The following PTCHD4 variants were observed in gnomAD, a reference collection of about 807,000 sequenced individuals.
PTCHD4 encodes the protein patched domain containing 4.
Under a neutral mutation model 58.1 loss-of-function variants are expected in PTCHD4, and 33 were observed. The observed-to-expected ratio is 0.57, with a 90% confidence interval of 0.43 to 0.76. PTCHD4 has a LOEUF of 0.76. PTCHD4 is among the 30% of genes least tolerant of loss of function. The probability of loss-of-function intolerance (pLI) is 0.00; values close to 1 mark genes in which losing one functional copy is unlikely to be tolerated. For missense variants in PTCHD4, 1,058 were observed against 1,027.1 expected (o/e 1.03, Z -0.41); for synonymous variants, 478 against 409.6 (o/e 1.17, Z -2.02).
chr6:47,969,964 G>A lies in PTCHD4; in HGVS notation c.898+38670C>T, dbSNP rs140348283. On this transcript the variant is annotated intron_variant, in intron 4 of 4. Transcript: ENST00000339488. ...AAAGTAAATAAAGGGGCCAAAAAAG[G>A]TGACCCATAACTCTTTTCAAAACCT... Among the ~76,000 whole-genome samples, 6 of 152,200 alleles carry A rather than the reference G, an allele frequency of 3.9e-5. No homozygotes were observed. The East Asian group carries it at 1.2e-3, about 29-fold the overall frequency.
At chr6:48,055,480 C>T (rs964087749) in intron 3 of PTCHD4, among the ~76,000 whole-genome samples, 12 of 151,876 alleles carry the variant, frequency 7.9e-5, no homozygotes, top group African/African-American at 2.7e-4. Flanking sequence ...GAAGTTAACT[C>T]TAAAAATATA....
At position 47,865,463 on chromosome 6, in the gene PTCHD4, A is replaced by C. The variant is rs990413251; in HGVS notation, c.*12840T>G. On this transcript the variant is annotated 3_prime_UTR_variant, in exon 5 of 5. Transcript: ENST00000339488. ...CAGGAATGTGAAGATTAAACTATACATTAGAGTATTGTAGTAAATAGATCA... is the reference window on the plus strand; with the variant it reads ...CAGGAATGTGAAGATTAAACTATACCTTAGAGTATTGTAGTAAATAGATCA... Among the ~76,000 whole-genome samples, 1 of 151,904 alleles carries C rather than the reference A, an allele frequency of 6.6e-6. No homozygotes were observed. The highest frequency in any genetic ancestry group is 2.4e-5 in the African/African-American group (1 of 41,400).
chr6:47,954,264 C>A (rs888762451), intron 4 of PTCHD4, among the ~76,000 whole-genome samples: 1 of 152,052 alleles, frequency 6.6e-6, no homozygotes, highest in African/African-American at 2.4e-5. Flanking sequence ...GGCTGAGGCA[C>A]AAGAATCACT....
chr6:47,966,120 A>G (rs567372884), intron 4 of PTCHD4, among the ~76,000 whole-genome samples: 1 of 152,272 alleles, frequency 6.6e-6, no homozygotes, highest in South Asian at 2.1e-4. Context: ...AGTAGTGAGA[A>G]ATGTTTGGCT....
chr6:47,902,674 C>G (rs546729680), intron 4 of PTCHD4, among the ~76,000 whole-genome samples: 32 of 152,242 alleles, frequency 2.1e-4, no homozygotes, highest in Admixed American at 3.9e-4. Flanking sequence ...TTACTGTGGC[C>G]TCCTTTTAAT....
At chr6:48,058,980 T>C (rs1764516263) in intron 3 of PTCHD4, among the ~76,000 whole-genome samples, 1 of 152,212 alleles carries the variant, frequency 6.6e-6, no homozygotes, top group Non-Finnish European at 1.5e-5. Flanking sequence ...TAATCATGAA[T>C]TCAAAAGAAG....
At chr6:48,102,413 C>G (rs539060474) in intron 1 of PTCHD4, among the ~76,000 whole-genome samples, 1 of 152,338 alleles carries the variant, frequency 6.6e-6, no homozygotes, top group African/African-American at 2.4e-5. Context: ...TCAGCCAAAA[C>G]GTCCATTTTA....
chr6:47,930,596 A>G (rs187998650), intron 4 of PTCHD4, among the ~76,000 whole-genome samples: 8 of 152,288 alleles, frequency 5.3e-5, no homozygotes, highest in South Asian at 4.1e-4. Context: ...GTTCATAAGA[A>G]CTATGTATGC....
At chr6:48,043,947 G>T (rs1233734230) in intron 3 of PTCHD4, among the ~76,000 whole-genome samples, 1 of 151,784 alleles carries the variant, frequency 6.6e-6, no homozygotes, top group South Asian at 2.1e-4. Flanking sequence ...CAGTATATGA[G>T]AATTAGAACG....
intron 3 of PTCHD4, among the ~76,000 whole-genome samples, chr6:48,062,211 A>C (rs1482122577): frequency 6.6e-6 from 1 of 152,208 alleles, no homozygotes; most frequent in African/African-American, 2.4e-5. Flanking sequence ...TAAGAAAATA[A>C]AAACGGTTAG....
chr6:48,018,207 C>T (rs904364825), intron 3 of PTCHD4, among the ~76,000 whole-genome samples: 1 of 152,170 alleles, frequency 6.6e-6, no homozygotes, highest in Non-Finnish European at 1.5e-5. Flanking sequence ...GTTTCAAGTT[C>T]CATTTCTGCT....
intron 4 of PTCHD4, among the ~76,000 whole-genome samples, chr6:47,904,241 T>C (rs959299690): frequency 2.0e-5 from 3 of 152,194 alleles, no homozygotes; most frequent in African/African-American, 7.2e-5. Context: ...ATAAAAGTGA[T>C]GAAGGGTCAG....
intron 4 of PTCHD4, among the ~76,000 whole-genome samples, chr6:47,881,489 C>T (rs115803594): frequency 0.014 from 2,062 of 152,258 alleles, 22 homozygotes; most frequent in South Asian, 0.026. Flanking sequence ...AATGAAGCCA[C>T]TGGGATGAGA....
At chr6:47,895,555 C>G (rs1044384148) in intron 4 of PTCHD4, among the ~76,000 whole-genome samples, 4 of 152,184 alleles carry the variant, frequency 2.6e-5, no homozygotes, top group Non-Finnish European at 5.9e-5. Context: ...ATAAATCAAA[C>G]AACTAATCAG....
At chr6:47,947,447 G>T (rs567323274) in intron 4 of PTCHD4, among the ~76,000 whole-genome samples, 3 of 150,708 alleles carry the variant, frequency 2.0e-5, no homozygotes, top group East Asian at 3.9e-4. Flanking sequence ...TTTTCTTCTT[G>T]AATTACATTC....
intron 3 of PTCHD4, among the ~76,000 whole-genome samples, chr6:48,042,288 A>G (rs1029595741): frequency 1.3e-5 from 2 of 152,024 alleles, no homozygotes; most frequent in African/African-American, 4.8e-5. Flanking sequence ...CCTATCAGGC[A>G]GTGTGCAGAC....
intron 4 of PTCHD4, among the ~76,000 whole-genome samples, chr6:47,989,807 G>A (rs113282559): frequency 0.044 from 6,742 of 152,236 alleles, 201 homozygotes; most frequent in African/African-American, 0.08. Flanking sequence ...ATGTGGGGTC[G>A]GAGACCCCAC....
chr6:48,091,435 A>C (rs936139972), intron 1 of PTCHD4, among the ~76,000 whole-genome samples: 2 of 152,148 alleles, frequency 1.3e-5, no homozygotes, highest in African/African-American at 2.4e-5. Context: ...GAATCTCTGC[A>C]AAATTAGAAT....
intron 4 of PTCHD4, among the ~76,000 whole-genome samples, chr6:47,913,282 C>A (rs1224539912): frequency 1.3e-5 from 2 of 151,974 alleles, no homozygotes; most frequent in East Asian, 3.9e-4. Flanking sequence ...CAGTGGGGAG[C>A]ACTATAAAAT....
Sources: gnomAD v4.1 joint callset for allele counts (sites outside exome capture counted in the v4.1 genomes callset) on GRCh38, gnomAD v4.1.1 for gene constraint, MANE v1.5 for transcripts, NCBI Gene and HGNC (gene_info 2026-07-23, HGNC 2026-07-21) for gene names.